GNAS-AS1: variants seen among roughly 807,000 people sequenced by gnomAD.
GNAS-AS1 encodes GNAS antisense RNA 1 (non-protein coding).
rs981794807 is a variant in GNAS-AS1 at position 58,841,356 on chromosome 20, A to G, written n.819+581T>C. The G allele has an allele frequency of 9.6e-7, 1 of 1,043,928 alleles. No homozygotes were observed. Among genetic ancestry groups the G allele is most frequent in the South Asian group, 3.4e-5 (1 of 29,132 alleles). 64.7% of individuals were successfully genotyped at this position (1,043,928 alleles called of 1,614,324 possible). ...CACGATGTGAGAGCAGCCGCGCTGT[A>G]GAGACACCGTTGAAATGTGCGGAAA... On this transcript the variant is annotated intron_variant and non_coding_transcript_variant, in intron 4 of 4. Transcript: ENST00000424094. This position sits in a 1 kb window ranked among gnomAD's most constrained non-coding sequence, Gnocchi z 5.0.
chr20:58,832,580 C>T (rs550105884), intron 4 of GNAS-AS1, among the ~76,000 whole-genome samples: 2 of 152,304 alleles, frequency 1.3e-5, no homozygotes, highest in South Asian at 2.1e-4. Context: ...ATTATTAAGG[C>T]TGTAGGGCAG....
intron 4 of GNAS-AS1, among the ~76,000 whole-genome samples, chr20:58,830,286 C>CAT (rs2085548638): frequency 7.3e-6 from 1 of 136,262 alleles, no homozygotes; most frequent in African/African-American, 2.9e-5. Flanking sequence ...CGCCACACCA[C>CAT]CATCACCACC....
rs116335020 is a variant in GNAS-AS1, at chr20:58,850,871, A to T, written n.33T>A. On this transcript the variant is annotated non_coding_transcript_exon_variant, in exon 1 of 5. Transcript: ENST00000424094. ...ACCGGCTTCCAACCACCCCAGCAGCACCTCTTCGGGCGTTCCAACGCGGCG... is the reference window on the plus strand; with the variant it reads ...ACCGGCTTCCAACCACCCCAGCAGCTCCTCTTCGGGCGTTCCAACGCGGCG... 1,830 of 398,354 alleles carry T rather than the reference A, an allele frequency of 4.6e-3. 26 individuals carry two copies. Among genetic ancestry groups the T allele is most frequent in the African/African-American group, 0.033 (1,600 of 48,546 alleles). The allele number at this position is 398,354 out of a possible 1,614,324, so 24.7% of individuals were successfully genotyped here.
intron 2 of GNAS-AS1, among the ~76,000 whole-genome samples, chr20:58,845,090 C>T (rs1000358866): frequency 6.6e-6 from 1 of 152,088 alleles, no homozygotes; most frequent in Non-Finnish European, 1.5e-5. Context: ...TAAGAACAAG[C>T]TTTTCAGAGC....
At chr20:58,831,446 G>A (rs2085568093) in intron 4 of GNAS-AS1, among the ~76,000 whole-genome samples, 1 of 152,220 alleles carries the variant, frequency 6.6e-6, no homozygotes, top group South Asian at 2.1e-4. Context: ...GGAGGCCGAG[G>A]CGGGCAGATC....
At chr20:58,823,546 C>T (rs527357809) in intron 4 of GNAS-AS1, among the ~76,000 whole-genome samples, 4 of 152,216 alleles carry the variant, frequency 2.6e-5, no homozygotes, top group Non-Finnish European at 5.9e-5. Context: ...GTCTCCCGAC[C>T]CCAGTGGGCC....
At chr20:58,835,293 G>T (rs2085595027) in intron 4 of GNAS-AS1, among the ~76,000 whole-genome samples, 1 of 152,110 alleles carries the variant, frequency 6.6e-6, no homozygotes, top group Non-Finnish European at 1.5e-5. Flanking sequence ...CCGCTCACCA[G>T]GCAGGGCAGA....
chr20:58,840,608 T>G lies in GNAS-AS1; in HGVS notation n.819+1329A>C. The stretch of plus-strand genomic sequence containing the variant: ...CACCCAGCGTCTGCACGCTCTCAAG[T>G]TGCGAAGCCCCGACGCCTCCCCAAG... On this transcript the variant is annotated intron_variant and non_coding_transcript_variant, in intron 4 of 4. Coordinates refer to ENST00000424094, the Ensembl canonical transcript of GNAS-AS1. This position sits in a 1 kb window ranked among gnomAD's most constrained non-coding sequence, Gnocchi z 6.0. The G allele has an allele frequency of 6.2e-7, 1 of 1,609,670 alleles. No homozygotes were observed. Among genetic ancestry groups the G allele is most frequent in the Non-Finnish European group, 8.5e-7 (1 of 1,178,484 alleles).
At chr20:58,844,837 C>A (rs909234220) in intron 2 of GNAS-AS1, among the ~76,000 whole-genome samples, 2 of 151,760 alleles carry the variant, frequency 1.3e-5, no homozygotes, top group Non-Finnish European at 2.9e-5. Flanking sequence ...CAACAAAAAA[C>A]CCCGAAAAAC....
intron 4 of GNAS-AS1, among the ~76,000 whole-genome samples, chr20:58,824,924 G>A (rs1190935870): frequency 6.6e-6 from 1 of 152,200 alleles, no homozygotes; most frequent in Non-Finnish European, 1.5e-5. Flanking sequence ...GTGAGTGGAT[G>A]GGTTCTGTGA....
In GNAS-AS1 at chr20:58,841,650, C is replaced by T. The variant is rs1353466494; in HGVS notation, n.819+287G>A. The T allele has an allele frequency of 5.4e-6, 6 of 1,117,016 alleles. No individual in the cohort carries two copies. The highest frequency in any genetic ancestry group is 4.4e-6 in the Non-Finnish European group (4 of 914,866). 69.2% of individuals were successfully genotyped at this position (1,117,016 alleles called of 1,614,324 possible). On this transcript the variant is annotated intron_variant and non_coding_transcript_variant, in intron 4 of 4. Transcript: ENST00000424094. The surrounding 1 kb of genome is among the most constrained non-coding windows in gnomAD (Gnocchi z 5.0). ...GGAGCTGACCTCTCCCGGCGGCGGGCGGTTAGGGGAAAGTACCTGGGGGAA... is the reference window on the plus strand; with the variant it reads ...GGAGCTGACCTCTCCCGGCGGCGGGTGGTTAGGGGAAAGTACCTGGGGGAA...
At chr20:58,830,376 TCAC>T (rs1458087403) in intron 4 of GNAS-AS1, among the ~76,000 whole-genome samples, 1 of 58,690 alleles carries the variant, frequency 1.7e-5, no homozygotes, top group African/African-American at 7.2e-5. Flanking sequence ...CACAACACCA[TCAC>T]CACAATCACC....
chr20:58,840,825 T>C lies in GNAS-AS1; in HGVS notation n.819+1112A>G. ...GAGTCCCCTTCCAAAAAGGGACCCA[T>C]CCCCATCCGGCGTCACTAATGGAGG... On this transcript the variant is annotated intron_variant and non_coding_transcript_variant, in intron 4 of 4. Transcript: ENST00000424094. The surrounding 1 kb of genome is among the most constrained non-coding windows in gnomAD (Gnocchi z 6.0). 6.2e-7 allele frequency: 1 copy of C among 1,612,814 alleles called. No homozygotes were observed. The highest frequency in any genetic ancestry group is 1.7e-5 in the Admixed American group (1 of 60,022).
At chr20:58,830,366 CACA>C (rs1287940768) in intron 4 of GNAS-AS1, among the ~76,000 whole-genome samples, 13 of 139,596 alleles carry the variant, frequency 9.3e-5, no homozygotes, top group South Asian at 2.5e-4. Context: ...TCACCACCAC[CACA>C]ACACCATCAC....
intron 4 of GNAS-AS1, chr20:58,839,171 C>T (rs2085641831): frequency 5.0e-6 from 2 of 398,338 alleles, no homozygotes; most frequent in Admixed American, 8.8e-5. Context: ...CCGTGGGGGC[C>T]CTTGTTGAAG....
At chr20:58,830,501 ACAC>A (rs1455141358) in intron 4 of GNAS-AS1, among the ~76,000 whole-genome samples, 2 of 85,646 alleles carry the variant, frequency 2.3e-5, no homozygotes, top group Non-Finnish European at 2.3e-5. Flanking sequence ...CATCACCACC[ACAC>A]CACCATCATC....
intron 4 of GNAS-AS1, among the ~76,000 whole-genome samples, chr20:58,821,065 C>G (rs1292704232): frequency 1.3e-5 from 2 of 152,212 alleles, no homozygotes; most frequent in African/African-American, 4.8e-5. Context: ...GCCAGCAGGG[C>G]CCTGCTCAGA....
Position 58,831,251 on chromosome 20 carries a change from CTGT to C in GNAS-AS1, n.819+10683_819+10685del, listed in dbSNP as rs1487856448. On this transcript the variant is annotated intron_variant and non_coding_transcript_variant, in intron 4 of 4. Transcript: ENST00000424094. ...AATCTACGAACAGTGGCATAAGCCA[CTGT>C]GCCCGGCCAGACCACGCTAATATTT... 2.0e-5 allele frequency among the ~76,000 whole-genome samples: 3 copies of C among 152,196 alleles called. No homozygotes were observed. The East Asian group carries it at 5.8e-4, about 29-fold the overall frequency.
chr20:58,836,692 TA>T (rs1332362838), intron 4 of GNAS-AS1, among the ~76,000 whole-genome samples: 24 of 152,206 alleles, frequency 1.6e-4, no homozygotes, highest in Admixed American at 1.6e-3. Context: ...GTCACGCACG[TA>T]ATGCATTTTA....
Sources: gnomAD v4.1 joint callset for allele counts (sites outside exome capture counted in the v4.1 genomes callset) on GRCh38, gnomAD v4.1.1 for gene constraint, Gnocchi (gnomAD v3.1) non-coding constraint, MANE v1.5 for transcripts, NCBI Gene and HGNC (gene_info 2026-07-23, HGNC 2026-07-21) for gene names.